The following CUX2 variants were observed in gnomAD, a reference collection of about 807,000 sequenced individuals.
CUX2 encodes the protein cut like homeobox 2.
CUX2 carries 40 observed loss-of-function variants against 144.8 expected under a neutral mutation model. The observed-to-expected ratio is 0.28, with a 90% confidence interval of 0.21 to 0.36. The LOEUF is 0.36. Ranked by LOEUF, CUX2 falls within the 10% of genes least tolerant of loss-of-function variation. The pLI is 1.00. For synonymous variants in CUX2, 827 were observed against 875.6 expected, an observed-to-expected ratio of 0.94 and a Z score of 0.98; for missense variants, 1,615 against 1,994.0, an observed-to-expected ratio of 0.81 and a Z score of 3.62.
rs200159605 is a variant in CUX2 at position 111,295,372 on chromosome 12, G to A, written c.600G>A (p.Leu200=). The A allele has an allele frequency of 6.2e-6, 10 of 1,612,756 alleles. No homozygotes were observed. Among genetic ancestry groups the A allele is most frequent in the Admixed American group, 5.0e-5 (3 of 59,796 alleles). Residue 200 remains leucine, a synonymous_variant, in exon 7 of 22, where the codon CTG becomes CTA. Transcript: ENST00000261726. This position sits in a 1 kb window ranked among gnomAD's most constrained non-coding sequence, Gnocchi z 5.0. ...QEVQITLAAR[L]GEAEEKIKVL... is the part of the protein sequence containing the mutation. ...TACAGATCACTTTGGCGGCCAGACTGGGGGAGGCAGAGGAGAAAATCAAAG... is the reference window on the plus strand; with the variant it reads ...TACAGATCACTTTGGCGGCCAGACTAGGGGAGGCAGAGGAGAAAATCAAAG...
At chr12:111,271,353 G>T (rs1884639427) in intron 4 of CUX2, among the ~76,000 whole-genome samples, 1 of 152,168 alleles carries the variant, frequency 6.6e-6, no homozygotes, top group Non-Finnish European at 1.5e-5. Flanking sequence ...TTTTCCCTGT[G>T]TACTTTTTCA....
chr12:111,237,212 G>A (rs1312959704), intron 3 of CUX2, among the ~76,000 whole-genome samples: 1 of 152,104 alleles, frequency 6.6e-6, no homozygotes, highest in Non-Finnish European at 1.5e-5. Context: ...CATAAGGAAG[G>A]GTTATTATAT....
At chr12:111,303,406 C>T (rs1319070322) in intron 9 of CUX2, among the ~76,000 whole-genome samples, 3 of 151,774 alleles carry the variant, frequency 2.0e-5, no homozygotes, top group Non-Finnish European at 2.9e-5. Flanking sequence ...GAGGCTGAAG[C>T]GGGTGGATCA....
intron 1 of CUX2, among the ~76,000 whole-genome samples, chr12:111,110,349 T>G (rs1873864968): frequency 1.3e-5 from 2 of 152,194 alleles, no homozygotes; most frequent in Admixed American, 1.3e-4. Context: ...ATCTTAGGTT[T>G]GAGGGGTGGC....
chr12:111,089,876 G>T (rs888641596), intron 1 of CUX2, among the ~76,000 whole-genome samples: 5 of 152,224 alleles, frequency 3.3e-5, no homozygotes, highest in African/African-American at 1.2e-4. Context: ...TCACAAAGCA[G>T]GCTGGTGGCC....
rs74717567 is a variant in CUX2 at position 111,179,322 on chromosome 12, G to A, written c.64-34878G>A. On this transcript the variant is annotated intron_variant, in intron 1 of 21. Coordinates refer to ENST00000261726, the MANE Select transcript of CUX2 (RefSeq NM_015267.4). ...TAAGATGGGCATAATACCAACACCC[G>A]CCGTGGAGGAGTATTACAAAGATAA... Among the ~76,000 whole-genome samples, 641 of 152,206 alleles carry A rather than the reference G, an allele frequency of 4.2e-3. 7 individuals are homozygous for A. The highest frequency in any genetic ancestry group is 0.015 in the African/African-American group (612 of 41,520).
At chr12:111,222,879 A>C (rs1042743552) in intron 3 of CUX2, among the ~76,000 whole-genome samples, 5 of 152,166 alleles carry the variant, frequency 3.3e-5, no homozygotes, top group Non-Finnish European at 5.9e-5. Flanking sequence ...GTAAAGATGC[A>C]TTAGATCATC....
intron 1 of CUX2, among the ~76,000 whole-genome samples, chr12:111,053,558 T>G (rs1035909001): frequency 7.2e-5 from 11 of 152,232 alleles, no homozygotes; most frequent in African/African-American, 2.7e-4. Context: ...TTCTACATCC[T>G]CCATACTCCT....
rs183542176 is a variant in CUX2, at chr12:111,304,409, G to A, written c.858+95G>A. 2.4e-4 allele frequency: 238 copies of A among 996,692 alleles called. 3 individuals are homozygous for A. The African/African-American group carries it at 3.4e-3, about 14-fold the overall frequency. 61.7% of individuals were successfully genotyped at this position (996,692 alleles called of 1,614,324 possible). On this transcript the variant is annotated intron_variant, in intron 10 of 21. Coordinates refer to ENST00000261726, the MANE Select transcript of CUX2 (RefSeq NM_015267.4). This position sits in a 1 kb window ranked among gnomAD's most constrained non-coding sequence, Gnocchi z 4.7. ...TTTCAGCATGTGGGTGACACTTTGTGGTTGATTGTGTGCATCCATTTGAAA... is the reference window on the plus strand; with the variant it reads ...TTTCAGCATGTGGGTGACACTTTGTAGTTGATTGTGTGCATCCATTTGAAA...
intron 16 of CUX2, among the ~76,000 whole-genome samples, chr12:111,315,050 C>T (rs1232164829): frequency 6.6e-6 from 1 of 152,058 alleles, no homozygotes; most frequent in South Asian, 2.1e-4. Context: ...CAGAGGAAAA[C>T]GTTTGCTCTC....
intron 1 of CUX2, among the ~76,000 whole-genome samples, chr12:111,137,204 GGAT>G (rs1875951652): frequency 1.3e-5 from 2 of 152,000 alleles, no homozygotes; most frequent in South Asian, 4.1e-4. Context: ...CAAAGTGCTG[GGAT>G]TACAGGCATG....
chr12:111,204,818 T>C (rs114851400), intron 1 of CUX2, among the ~76,000 whole-genome samples: 1,579 of 152,326 alleles, frequency 0.01, 34 homozygotes, highest in African/African-American at 0.036. Context: ...GCAGTTGTTA[T>C]CCTGCTGTTC....
intron 1 of CUX2, among the ~76,000 whole-genome samples, chr12:111,104,934 C>T (rs771401606): frequency 2.2e-4 from 34 of 152,040 alleles, no homozygotes; most frequent in Middle Eastern, 3.2e-3. Context: ...GGGAGGGGAC[C>T]CTGTGGCTCC....
At chr12:111,102,684 A>G (rs1259551825) in intron 1 of CUX2, among the ~76,000 whole-genome samples, 1 of 152,162 alleles carries the variant, frequency 6.6e-6, no homozygotes, top group African/African-American at 2.4e-5. Context: ...TGAGGCTTGG[A>G]GACATTTTGG....
Position 111,287,791 on chromosome 12 carries a change from A to C in CUX2, c.302-3627A>C, listed in dbSNP as rs1189165633. On this transcript the variant is annotated intron_variant, in intron 4 of 21. Transcript: ENST00000261726. The surrounding 1 kb of genome is among the most constrained non-coding windows in gnomAD (Gnocchi z 4.2). ...GCCACCTAAACAAACAGGCCACAGC[A>C]GAGTAAAACAGGGAAGCCGCCTTGT... is the stretch of plus-strand genomic sequence containing the variant. 1.3e-5 allele frequency among the ~76,000 whole-genome samples: 2 copies of C among 152,224 alleles called. No homozygotes were observed. Among genetic ancestry groups the C allele is most frequent in the Non-Finnish European group, 2.9e-5 (2 of 68,040 alleles).
intron 1 of CUX2, among the ~76,000 whole-genome samples, chr12:111,208,139 T>C (rs1378754914): frequency 6.6e-6 from 1 of 152,080 alleles, no homozygotes; most frequent in Non-Finnish European, 1.5e-5. Flanking sequence ...AGATTGTTTG[T>C]CTTCATGGAA....
chr12:111,094,470 C>T (rs905393423), intron 1 of CUX2, among the ~76,000 whole-genome samples: 4 of 152,206 alleles, frequency 2.6e-5, no homozygotes, highest in African/African-American at 9.7e-5. Flanking sequence ...CCCTGTGCCC[C>T]GGTTGCAACA....
intron 1 of CUX2, among the ~76,000 whole-genome samples, chr12:111,067,817 G>T (rs927956118): frequency 1.3e-5 from 2 of 152,146 alleles, no homozygotes; most frequent in African/African-American, 4.8e-5. Context: ...ACACAGGCCT[G>T]GGCAGAACTC....
intron 18 of CUX2, among the ~76,000 whole-genome samples, chr12:111,326,879 G>A (rs770053959): frequency 5.9e-5 from 9 of 152,020 alleles, no homozygotes; most frequent in Admixed American, 1.3e-4. Flanking sequence ...CTGCAGCCTG[G>A]GTGACAGAGT....
Sources: allele counts gnomAD v4.1 joint callset (sites outside exome capture counted in the v4.1 genomes callset), GRCh38; gene constraint gnomAD v4.1.1; non-coding constraint Gnocchi (gnomAD v3.1); transcripts MANE v1.5; gene names NCBI Gene and HGNC (gene_info 2026-07-23, HGNC 2026-07-21).